The following SLCO3A1 variants were observed in gnomAD, a reference collection of about 807,000 sequenced individuals.
The protein encoded by SLCO3A1 is solute carrier organic anion transporter family member 3A1.
In SLCO3A1, 27 loss-of-function variants were observed where a neutral mutation model predicts 63.1. The ratio of observed to expected loss-of-function variants is 0.43; its 90% CI spans 0.32 to 0.59. The LOEUF is 0.59. Among genes scored for constraint, SLCO3A1 ranks in the 20% least tolerant of loss-of-function variants. The probability of loss-of-function intolerance (pLI) is 0.09; values close to 1 mark genes in which losing one functional copy is unlikely to be tolerated. For missense variants in SLCO3A1, 773 were observed against 945.8 expected (o/e 0.82, Z 2.40); for synonymous variants, 473 against 409.9 (o/e 1.15, Z -1.86).
At chr15:91,965,721 G>GGTGT (rs35543509) in intron 2 of SLCO3A1, among the ~76,000 whole-genome samples, 2,099 of 147,620 alleles carry the variant, frequency 0.014, 35 homozygotes, top group African/African-American at 0.043. Context: ...CAGCCAGCAG[G>GGTGT]GTGTGTGTGT....
At chr15:91,881,264 T>A (rs1315058554) in intron 1 of SLCO3A1, among the ~76,000 whole-genome samples, 1 of 151,350 alleles carries the variant, frequency 6.6e-6, no homozygotes, top group African/African-American at 2.4e-5. Flanking sequence ...ACTGATTGAT[T>A]TTCATTTCGA....
At chr15:92,101,157 A>C (rs569231456) in intron 3 of SLCO3A1, among the ~76,000 whole-genome samples, 52 of 152,350 alleles carry the variant, frequency 3.4e-4, no homozygotes, top group African/African-American at 1.0e-3. Flanking sequence ...ATTGACGGAC[A>C]ATTACCAACA....
intron 2 of SLCO3A1, among the ~76,000 whole-genome samples, chr15:92,008,366 A>C (rs1386219495): frequency 6.6e-6 from 1 of 152,182 alleles, no homozygotes; most frequent in Non-Finnish European, 1.5e-5. Flanking sequence ...CAAGTCACCT[A>C]TTCTTTCTGA....
intron 7 of SLCO3A1, among the ~76,000 whole-genome samples, chr15:92,141,543 CTT>C (rs1260801566): frequency 6.6e-6 from 1 of 152,180 alleles, no homozygotes; most frequent in African/African-American, 2.4e-5. Flanking sequence ...GCTTTTCAAA[CTT>C]TTTATAGCTC....
rs8027910 is a variant in SLCO3A1 at position 91,941,990 on chromosome 15, G to A, written c.646+25532G>A. 0.072 allele frequency among the ~76,000 whole-genome samples: 10,969 copies of A among 152,188 alleles called. 464 individuals carry two copies. Among genetic ancestry groups the A allele is most frequent in the Non-Finnish European group, 0.09 (6,091 of 67,996 alleles). ...TTTGAGCTAGGTCTTACCCATCCAC[G>A]ACAAAAATGAGAGAACAGTACAAGG... On this transcript the variant is annotated intron_variant, in intron 2 of 9. Transcript: ENST00000318445. The surrounding 1 kb of genome is among the most constrained non-coding windows in gnomAD (Gnocchi z 4.4).
chr15:92,095,065 C>A, intron 3 of SLCO3A1, 86 bp downstream of exon 3: 2 of 909,550 alleles, frequency 2.2e-6, no homozygotes, highest in Non-Finnish European at 3.7e-6. Flanking sequence ...GTTCTAAAAC[C>A]TTCTTGCTAA....
chr15:92,105,390 A>G (rs1279197584), intron 4 of SLCO3A1, among the ~76,000 whole-genome samples: 2 of 152,220 alleles, frequency 1.3e-5, no homozygotes, highest in Non-Finnish European at 2.9e-5. Context: ...ACCCAGTCTT[A>G]ATGACACAGT....
At chr15:91,880,162 C>CT (rs1567168728) in intron 1 of SLCO3A1, among the ~76,000 whole-genome samples, 1,270 of 125,170 alleles carry the variant, frequency 0.01, 17 homozygotes, top group African/African-American at 0.035. Flanking sequence ...TCCATCCATC[C>CT]ATCCATCCAT....
intron 7 of SLCO3A1, among the ~76,000 whole-genome samples, chr15:92,142,351 A>G (rs1316341419): frequency 6.6e-6 from 1 of 152,190 alleles, no homozygotes; most frequent in Non-Finnish European, 1.5e-5. Context: ...GAAGTCCAAT[A>G]TTAAACTGCT....
At chr15:92,145,389 G>C (rs978553065) in intron 7 of SLCO3A1, among the ~76,000 whole-genome samples, 1 of 151,170 alleles carries the variant, frequency 6.6e-6, no homozygotes, top group African/African-American at 2.4e-5. Context: ...AGGAAGGTTC[G>C]TTCTCATGTG....
intron 2 of SLCO3A1, among the ~76,000 whole-genome samples, chr15:91,955,155 G>C (rs1348706203): frequency 2.0e-5 from 3 of 152,156 alleles, no homozygotes; most frequent in African/African-American, 7.2e-5. Context: ...TGTGGGCTTG[G>C]TCCTGTTGTT....
chr15:92,087,836 A>G (rs1373041200), intron 2 of SLCO3A1, among the ~76,000 whole-genome samples: 1 of 152,162 alleles, frequency 6.6e-6, no homozygotes, highest in Non-Finnish European at 1.5e-5. Flanking sequence ...TTATTATCTT[A>G]TATCAGTAAT....
intron 2 of SLCO3A1, among the ~76,000 whole-genome samples, chr15:91,945,643 A>T (rs776912198): frequency 6.6e-6 from 1 of 152,250 alleles, no homozygotes; most frequent in African/African-American, 2.4e-5. Context: ...AGAGGTGGCC[A>T]CAGCTGGCCC....
intron 9 of SLCO3A1, among the ~76,000 whole-genome samples, chr15:92,160,984 G>C (rs1005815269): frequency 6.6e-6 from 1 of 152,118 alleles, no homozygotes; most frequent in African/African-American, 2.4e-5. Context: ...ATTTTGCTGG[G>C]CTATGGGTCT....
intron 9 of SLCO3A1, among the ~76,000 whole-genome samples, chr15:92,158,790 G>T (rs873122): frequency 6.6e-6 from 1 of 152,144 alleles, no homozygotes; most frequent in African/African-American, 2.4e-5. Flanking sequence ...CTCTGGTATT[G>T]TCCGCACACC....
intron 2 of SLCO3A1, among the ~76,000 whole-genome samples, chr15:92,038,424 G>A (rs1417756254): frequency 6.6e-6 from 1 of 152,168 alleles, no homozygotes; most frequent in African/African-American, 2.4e-5. Flanking sequence ...CAAAATCAAT[G>A]TGCAAAAATC....
At chr15:92,067,416 T>C (rs1204324332) in intron 2 of SLCO3A1, among the ~76,000 whole-genome samples, 1 of 152,234 alleles carries the variant, frequency 6.6e-6, no homozygotes, top group Non-Finnish European at 1.5e-5. Context: ...GTGAGACTAT[T>C]CTTACAGCAT....
At chr15:91,959,223 T>C (rs1900346590) in intron 2 of SLCO3A1, among the ~76,000 whole-genome samples, 1 of 151,994 alleles carries the variant, frequency 6.6e-6, no homozygotes, top group Non-Finnish European at 1.5e-5. Flanking sequence ...AGCTAAGCTA[T>C]GAGGACACAA....
At chr15:92,031,846 A>G (rs2046653223) in intron 2 of SLCO3A1, among the ~76,000 whole-genome samples, 1 of 118,830 alleles carries the variant, frequency 8.4e-6, no homozygotes, top group Non-Finnish European at 1.7e-5. Flanking sequence ...AATATACAGT[A>G]AATTACTGTT....
Sources: gnomAD v4.1 joint callset for allele counts (sites outside exome capture counted in the v4.1 genomes callset) on GRCh38, gnomAD v4.1.1 for gene constraint, Gnocchi (gnomAD v3.1) non-coding constraint, MANE v1.5 for transcripts, NCBI Gene and HGNC (gene_info 2026-07-23, HGNC 2026-07-21) for gene names.